The following KDM5B variants were observed in gnomAD, a reference collection of about 807,000 sequenced individuals.
KDM5B encodes the protein lysine-specific demethylase 5B.
Under a neutral mutation model 193.4 loss-of-function variants are expected in KDM5B, and 144 were observed. The observed-to-expected ratio is 0.74, with a 90% CI of 0.65 to 0.86. The LOEUF (loss-of-function observed/expected upper bound fraction) is 0.86, where lower values mean the gene tolerates loss of function less well. Ranked by LOEUF, KDM5B falls within the 40% of genes least tolerant of loss-of-function variation. The probability of loss-of-function intolerance (pLI) is 0.00; values close to 1 mark genes in which losing one functional copy is unlikely to be tolerated. For missense variants in KDM5B, 1,833 were observed against 1,886.9 expected (o/e 0.97, Z 0.53); for synonymous variants, 668 against 682.6 (o/e 0.98, Z 0.33).
At chr1:202,787,357 A>T (rs1657453390) in intron 1 of KDM5B, among the ~76,000 whole-genome samples, 1 of 152,160 alleles carries the variant, frequency 6.6e-6, no homozygotes, top group South Asian at 2.1e-4. Context: ...TGTCCTTAGG[A>T]GTCCTTTAAA....
At chr1:202,741,758 G>GGCATGCACCACCATGCCCGGC (rs780081993) in intron 18 of KDM5B, 36 bp from the exon 19 acceptor site, 1 of 1,151,138 alleles carries the variant, frequency 8.7e-7, no homozygotes, top group East Asian at 2.4e-5. Context: ...CATTAAAACA[G>GGCATGCACCACCATGCCCGGC]TAATTTCAGT....
chr1:202,742,748 T>C lies in KDM5B; in HGVS notation c.2381A>G (p.Asn794Ser), dbSNP rs1384727229. ...EESEMKKFPDNDLLRHLRLVT... is the reference protein window; with the variant it reads ...EESEMKKFPDSDLLRHLRLVT... The stretch of plus-strand genomic sequence containing the variant: ...TAGGCGAAGGTGTCGCAAAAGATCA[T>C]TGTCTGGGAATTTCTTCATTTCAGA... The change falls in exon 17 of 27, where the codon AAT becomes AGT. Residue 794 changes from asparagine to serine, a missense_variant. Asn to Ser is a conservative substitution (Grantham distance 46). This residue lies in a region of KDM5B where 1,379 missense variants were observed against 1,349.6 expected (regional missense o/e 1.02). Transcript: ENST00000367265. 3.1e-6 allele frequency: 5 copies of C among 1,614,060 alleles called. No individual in the cohort carries two copies. The highest frequency in any genetic ancestry group is 2.2e-5 in the East Asian group (1 of 44,902).
rs1654676719 is a variant in KDM5B at position 202,726,455 on chromosome 1, G to C, written c.*2581C>G. The C allele has an allele frequency of 6.6e-6, 1 of 151,986 alleles. No homozygotes were observed. The highest frequency in any genetic ancestry group is 2.1e-4 in the South Asian group (1 of 4,828). 9.4% of individuals were successfully genotyped at this position (151,986 alleles called of 1,614,324 possible). A position where few individuals can be genotyped will look rare whatever the true frequency, so the allele number is the denominator to read the frequency against. ...AATCCCCCAAAGTCTAATCTGGAAG[G>C]AAAAACAAAAAACAAACAGTATTCA... On this transcript the variant is annotated 3_prime_UTR_variant, in exon 27 of 27. Coordinates refer to ENST00000367265, the MANE Select transcript of KDM5B (RefSeq NM_006618.5).
At chr1:202,766,866 G>A (rs1000018840) in intron 5 of KDM5B, 60 bp downstream of exon 5, 12 of 1,500,362 alleles carry the variant, frequency 8.0e-6, no homozygotes, top group Non-Finnish European at 9.8e-6. Flanking sequence ...TCCAGTGCCA[G>A]ACAGCCATTG....
chr1:202,741,721 T>A lies in KDM5B; in HGVS notation c.2591A>T (p.Asp864Val). The change falls in exon 19 of 27, where the codon GAT becomes GTT. Residue 864 changes from aspartate (D) to valine (V), a missense_variant and splice_region_variant. This residue lies in a region of KDM5B where 1,379 missense variants were observed against 1,349.6 expected (regional missense o/e 1.02). Transcript: ENST00000367265. ...CVLSQTPLLK[D>V]LLNRVEDFQQ... Reference sequence around the variant, plus strand: ...AAAATCTTCTACACGATTCAAGAGATCCTAAAAAAAAATACACAGGTTGTT... The same window carrying A: ...AAAATCTTCTACACGATTCAAGAGAACCTAAAAAAAAATACACAGGTTGTT... 2 of 1,565,960 alleles carry A rather than the reference T, an allele frequency of 1.3e-6. No individual in the cohort carries two copies. The highest frequency in any genetic ancestry group is 2.3e-5 in the South Asian group (2 of 87,688).
chr1:202,752,073 G>A (rs1025318708), intron 12 of KDM5B, among the ~76,000 whole-genome samples: 31 of 152,204 alleles, frequency 2.0e-4, no homozygotes, highest in African/African-American at 7.2e-4. Flanking sequence ...GTCACAACAA[G>A]TTCACTTTAA....
Position 202,742,466 on chromosome 1 carries a change from T to A in KDM5B, c.2514A>T (p.Thr838=). 6.2e-7 allele frequency: 1 copy of A among 1,614,134 alleles called. No homozygotes were observed. The highest frequency in any genetic ancestry group is 8.5e-7 in the Non-Finnish European group (1 of 1,180,020). Residue 838 remains threonine (T), a synonymous_variant, in exon 18 of 27, where the codon ACA becomes ACT. Transcript: ENST00000367265. ...TTACAAACTGCCGGAGCTCATTCAC[T>A]GTCAACTGATTTTGGGATTTCCCTC... The part of the protein sequence containing the change: ...SGGGKSQNQL[T]VNELRQFVTQ...
chr1:202,758,770 G>A lies in KDM5B; in HGVS notation c.1078-260C>T, dbSNP rs548027293. 8.1e-5 allele frequency: 23 copies of A among 283,014 alleles called. No individual in the cohort carries two copies. In the East Asian group the frequency reaches 1.4e-3, roughly 17 times the overall value. The allele number at this position is 283,014 out of a possible 1,614,324, so 17.5% of individuals were successfully genotyped here. ...CTTGGATAAATTTATATATTTATAAGAGGCAGGCTAAAGACTCGACTTCCT... is the reference window on the plus strand; with the variant it reads ...CTTGGATAAATTTATATATTTATAAAAGGCAGGCTAAAGACTCGACTTCCT... On this transcript the variant is annotated intron_variant, in intron 8 of 26. Transcript: ENST00000367265.
chr1:202,742,761 T>G lies in KDM5B; in HGVS notation c.2368A>C (p.Lys790Gln), dbSNP rs1226012264. 2 of 1,614,190 alleles carry G rather than the reference T, an allele frequency of 1.2e-6. No individual in the cohort carries two copies. Among genetic ancestry groups the G allele is most frequent in the South Asian group, 2.2e-5 (2 of 91,080 alleles). ...CGCAAAAGATCATTGTCTGGGAATT[T>G]CTTCATTTCAGATTCTTCAATTAAA... ...KALIEESEMK[K>Q]FPDNDLLRHL... Residue 790 changes from lysine (K) to glutamine (Q), a missense_variant, in exon 17 of 27, where the codon AAA becomes CAA. Coordinates refer to ENST00000367265, the MANE Select transcript of KDM5B (RefSeq NM_006618.5).
intron 1 of KDM5B, among the ~76,000 whole-genome samples, chr1:202,787,461 A>T (rs887950628): frequency 1.3e-5 from 2 of 152,236 alleles, no homozygotes; most frequent in Non-Finnish European, 2.9e-5. Context: ...GAAACATTTT[A>T]AAAATGAGTT....
At chr1:202,739,157 T>C (rs1313909843) in intron 20 of KDM5B, among the ~76,000 whole-genome samples, 1 of 152,202 alleles carries the variant, frequency 6.6e-6, no homozygotes, top group African/African-American at 2.4e-5. Flanking sequence ...GTAATCATAC[T>C]TATCAAAGAG....
In KDM5B at chr1:202,727,780, C is replaced by T. The variant is rs894711406; in HGVS notation, c.*1256G>A. The T allele has an allele frequency of 1.3e-5, 2 of 152,638 alleles. No individual in the cohort carries two copies. The highest frequency in any genetic ancestry group is 2.4e-5 in the African/African-American group (1 of 41,448). The allele number at this position is 152,638 out of a possible 1,614,324, so 9.5% of individuals were successfully genotyped here. ...CTCCTCTCAAGACATATACTAAACC[C>T]GGACCTCTGTGAGGATTAATTTTCC... On this transcript the variant is annotated 3_prime_UTR_variant, in exon 27 of 27. Coordinates refer to ENST00000367265, the MANE Select transcript of KDM5B (RefSeq NM_006618.5).
chr1:202,804,347 A>T (rs924016856), intron 1 of KDM5B, among the ~76,000 whole-genome samples: 1 of 152,236 alleles, frequency 6.6e-6, no homozygotes, highest in Non-Finnish European at 1.5e-5. Flanking sequence ...TAAAGTGGCC[A>T]AAGATACAAG....
At chr1:202,766,569 A>C in intron 5 of KDM5B, 1 of 424,950 alleles carries the variant, frequency 2.4e-6, no homozygotes, top group Non-Finnish European at 4.5e-6. Context: ...TCTGTTTAAA[A>C]AAACTCCTAA....
chr1:202,732,424 T>G (rs1180902980), intron 23 of KDM5B, among the ~76,000 whole-genome samples: 4 of 152,198 alleles, frequency 2.6e-5, no homozygotes, highest in African/African-American at 9.6e-5. Flanking sequence ...AAGAGTTGTG[T>G]CCTTTCCCTT....
chr1:202,769,730 GA>G (rs5780125), intron 4 of KDM5B, among the ~76,000 whole-genome samples: 8,625 of 133,978 alleles, frequency 0.064, 430 homozygotes, highest in East Asian at 0.26. Flanking sequence ...ACAATTGAGA[GA>G]AAAAAATATT....
chr1:202,779,339 C>T (rs1262014377), intron 1 of KDM5B, among the ~76,000 whole-genome samples: 3 of 151,792 alleles, frequency 2.0e-5, no homozygotes, highest in Admixed American at 6.6e-5. Context: ...ATTAGCCAGG[C>T]GTGGTGGCAC....
At chr1:202,730,802 A>AT in intron 25 of KDM5B, 107 bp downstream of exon 25, 2 of 1,100,474 alleles carry the variant, frequency 1.8e-6, no homozygotes, top group East Asian at 4.9e-5. Flanking sequence ...TCCTCAGTCT[A>AT]ATCGCCCAGT....
chr1:202,777,222 T>C, intron 1 of KDM5B, 128 bp from the exon 2 acceptor site: 1 of 663,370 alleles, frequency 1.5e-6, no homozygotes, highest in South Asian at 1.8e-5. Flanking sequence ...GAACACAGAG[T>C]AGTGGTTTCT....
Sources: gnomAD v4.1 joint callset for allele counts (sites outside exome capture counted in the v4.1 genomes callset) on GRCh38, gnomAD v4.1.1 for gene constraint, gnomAD v4.1.1 regional missense constraint, MANE v1.5 for transcripts, NCBI Gene and HGNC (gene_info 2026-07-23, HGNC 2026-07-21) for gene names.